The following NHSL3 variants were observed in gnomAD, a reference collection of about 807,000 sequenced individuals.
NHSL3 encodes the protein NHS-like protein 3.
the NHSL3 span, among the ~76,000 whole-genome samples, chr1:32,743,689 A>G: frequency 1.3e-5 from 2 of 152,238 alleles, no homozygotes; most frequent in Admixed American, 6.5e-5. Flanking sequence ...CTGGGAGACC[A>G]GCCTGGAAGG....
At chr1:32,773,139 A>C in the NHSL3 span, 1 of 551,662 alleles carries the variant, frequency 1.8e-6, no homozygotes, top group East Asian at 2.9e-5. Flanking sequence ...CCTTAGCCTC[A>C]TCTTGAAGTG....
chr1:32,772,735 C>T, the NHSL3 span: 5 of 946,940 alleles, frequency 5.3e-6, no homozygotes, highest in Non-Finnish European at 8.5e-6. Context: ...GTGTCCAGCC[C>T]AGTGCTGCGG....
chr1:32,758,342 G>A, the NHSL3 span, among the ~76,000 whole-genome samples: 1 of 152,038 alleles, frequency 6.6e-6, no homozygotes, highest in Non-Finnish European at 1.5e-5. Flanking sequence ...TTCCCATTGT[G>A]CACATGGGGA....
the NHSL3 span, chr1:32,768,969 G>A: frequency 7.3e-6 from 5 of 685,212 alleles, no homozygotes; most frequent in South Asian, 2.5e-5. Flanking sequence ...AAATCTTGGC[G>A]GCCGGGTGCG....
the NHSL3 span, among the ~76,000 whole-genome samples, chr1:32,756,901 G>GGAGGTTGCAGCGAGCC: frequency 6.6e-6 from 1 of 152,200 alleles, no homozygotes; most frequent in Non-Finnish European, 1.5e-5. Flanking sequence ...CCCAGGAGGT[G>GGAGGTTGCAGCGAGCC]GAGGTTGCAG....
At chr1:32,771,290 C>G in the NHSL3 span, 10 of 1,607,274 alleles carry the variant, frequency 6.2e-6, 1 homozygote, top group South Asian at 7.7e-5. Context: ...GACGCCAGTC[C>G]TCAGTCCCCT....
chr1:32,743,199 G>A, the NHSL3 span, among the ~76,000 whole-genome samples: 2 of 152,304 alleles, frequency 1.3e-5, no homozygotes, highest in East Asian at 3.9e-4. Context: ...GACTGCTGCT[G>A]CAGTGCTGGA....
At chr1:32,745,354 T>G in the NHSL3 span, among the ~76,000 whole-genome samples, 3 of 151,456 alleles carry the variant, frequency 2.0e-5, no homozygotes, top group Non-Finnish European at 4.4e-5. Context: ...GGTCGCGAGT[T>G]TAAGACCAGC....
the NHSL3 span, chr1:32,772,294 C>T: frequency 3.1e-6 from 5 of 1,605,098 alleles, no homozygotes; most frequent in Admixed American, 5.1e-5. Flanking sequence ...ACCCGCCTCC[C>T]CCAGTTACCC....
chr1:32,764,808 C>T, the NHSL3 span, among the ~76,000 whole-genome samples: 1 of 152,164 alleles, frequency 6.6e-6, no homozygotes, highest in Non-Finnish European at 1.5e-5. Flanking sequence ...CATATGAGAT[C>T]GTGACTTGTG....
At chr1:32,760,326 T>C in the NHSL3 span, among the ~76,000 whole-genome samples, 1 of 152,146 alleles carries the variant, frequency 6.6e-6, no homozygotes, top group Admixed American at 6.5e-5. Context: ...TGCTCTGGAA[T>C]GGGGCAGGTT....
the NHSL3 span, among the ~76,000 whole-genome samples, chr1:32,747,094 A>G: frequency 6.6e-6 from 1 of 151,694 alleles, no homozygotes; most frequent in African/African-American, 2.4e-5. Flanking sequence ...GAGAACCCTG[A>G]GTTTGAGTTC....
the NHSL3 span, among the ~76,000 whole-genome samples, chr1:32,754,646 A>G: frequency 3.9e-5 from 6 of 152,304 alleles, no homozygotes; most frequent in South Asian, 1.2e-3. Flanking sequence ...ACAGATGTAC[A>G]CACAGGTTCA....
the NHSL3 span, chr1:32,772,252 G>A: frequency 1.2e-6 from 2 of 1,603,588 alleles, no homozygotes; most frequent in South Asian, 2.2e-5. Context: ...TCCCCCACCT[G>A]TGGCCCGCAA....
chr1:32,772,584 TG>T, the NHSL3 span: 1 of 1,367,928 alleles, frequency 7.3e-7, no homozygotes, highest in Non-Finnish European at 9.6e-7. Flanking sequence ...TCACCCTTGC[TG>T]GGGCCCAGAG....
At chr1:32,754,652 G>A in the NHSL3 span, among the ~76,000 whole-genome samples, 3 of 152,252 alleles carry the variant, frequency 2.0e-5, no homozygotes, top group South Asian at 2.1e-4. Flanking sequence ...GTACACACAG[G>A]TTCATAACTG....
At chr1:32,751,556 C>T in the NHSL3 span, among the ~76,000 whole-genome samples, 2 of 152,130 alleles carry the variant, frequency 1.3e-5, no homozygotes, top group Admixed American at 1.3e-4. Context: ...ACACGGGGTG[C>T]AGGGGAGCCC....
the NHSL3 span, chr1:32,754,234 C>T: frequency 8.6e-6 from 6 of 700,730 alleles, no homozygotes; most frequent in East Asian, 8.2e-5. Flanking sequence ...CTACTGCGGT[C>T]GTCGCCACCG....
At chr1:32,770,847 C>T in the NHSL3 span, 2 of 1,607,642 alleles carry the variant, frequency 1.2e-6, no homozygotes, top group South Asian at 1.1e-5. The surrounding 1 kb of genome is among the most constrained non-coding windows in gnomAD (Gnocchi z 8.3). Flanking sequence ...ACCCAGCCAA[C>T]AGCTGGGTAC....
Sources: allele counts gnomAD v4.1 joint callset (sites outside exome capture counted in the v4.1 genomes callset), GRCh38; gene constraint gnomAD v4.1.1; non-coding constraint Gnocchi (gnomAD v3.1); transcripts MANE v1.5; gene names NCBI Gene and HGNC (gene_info 2026-07-23, HGNC 2026-07-21).